The following CBLN2 variants were observed in gnomAD, a reference collection of about 807,000 sequenced individuals.
CBLN2 encodes cerebellin 2 precursor, also known as cerebellin-2.
Under a neutral mutation model 15.0 loss-of-function variants are expected in CBLN2, and 7 were observed. That is an observed-to-expected ratio of 0.47 (90% CI 0.27 to 0.88). The LOEUF (loss-of-function observed/expected upper bound fraction) is 0.88, where lower values mean the gene tolerates loss of function less well. Among genes scored for constraint, CBLN2 ranks in the 40% least tolerant of loss-of-function variants. CBLN2 has a pLI of 0.14. For synonymous variants in CBLN2, 149 were observed against 135.2 expected (o/e 1.10, Z -0.71); for missense variants, 242 against 304.5 (o/e 0.79, Z 1.53).
intron 3 of CBLN2, among the ~76,000 whole-genome samples, chr18:72,540,450 T>C (rs965783321): frequency 6.6e-6 from 1 of 152,160 alleles, no homozygotes; most frequent in Non-Finnish European, 1.5e-5. Flanking sequence ...AGAGCTTTCT[T>C]GTTACACAAA....
chr18:72,626,409 C>T (rs548377593), intron 1 of CBLN2, among the ~76,000 whole-genome samples: 4 of 152,128 alleles, frequency 2.6e-5, no homozygotes, highest in Non-Finnish European at 5.9e-5. Flanking sequence ...CATACACTCA[C>T]CTGAAAAATA....
chr18:72,621,654 G>T (rs982416939), intron 1 of CBLN2, among the ~76,000 whole-genome samples: 1 of 152,070 alleles, frequency 6.6e-6, no homozygotes, highest in South Asian at 2.1e-4. Flanking sequence ...TTAAGTCTTT[G>T]GTCATTTCCA....
intron 1 of CBLN2, among the ~76,000 whole-genome samples, chr18:72,598,924 G>T (rs955709381): frequency 6.6e-6 from 1 of 152,276 alleles, no homozygotes; most frequent in Non-Finnish European, 1.5e-5. Flanking sequence ...TCACTTTCGG[G>T]GAATGAGAGA....
intron 1 of CBLN2, among the ~76,000 whole-genome samples, chr18:72,634,065 T>A (rs2069795859): frequency 6.6e-6 from 1 of 152,042 alleles, no homozygotes; most frequent in African/African-American, 2.4e-5. Flanking sequence ...AAAATAAAAA[T>A]TCATTTTTAA....
chr18:72,575,548 G>T (rs1446453679), intron 1 of CBLN2, among the ~76,000 whole-genome samples: 2 of 152,060 alleles, frequency 1.3e-5, no homozygotes, highest in African/African-American at 4.8e-5. Context: ...GAGAAGGGAG[G>T]TCCATTTCTC....
At chr18:72,630,496 A>ACG (rs1599031180) in intron 1 of CBLN2, among the ~76,000 whole-genome samples, 1 of 4,226 alleles carries the variant, frequency 2.4e-4, no homozygotes, top group South Asian at 0.062. Context: ...TACTGCTCCA[A>ACG]CACACACACA....
chr18:72,564,889 C>G (rs1360234939), intron 1 of CBLN2, among the ~76,000 whole-genome samples: 1 of 152,156 alleles, frequency 6.6e-6, no homozygotes, highest in Non-Finnish European at 1.5e-5. Flanking sequence ...AGAGAGAGAA[C>G]TCTAAAAGCA....
chr18:72,628,557 G>T (rs2069755440), intron 1 of CBLN2, among the ~76,000 whole-genome samples: 1 of 152,154 alleles, frequency 6.6e-6, no homozygotes, highest in Non-Finnish European at 1.5e-5. Context: ...ACAGTAATCA[G>T]GTAATGGATT....
chr18:72,618,668 A>C, intron 1 of CBLN2: 1 of 794,204 alleles, frequency 1.3e-6, no homozygotes, highest in South Asian at 1.3e-5. Flanking sequence ...GAAGTGATTG[A>C]ACTCATGACC....
chr18:72,615,260 T>G (rs1490622709), intron 1 of CBLN2, among the ~76,000 whole-genome samples: 1 of 120,494 alleles, frequency 8.3e-6, no homozygotes, highest in East Asian at 2.2e-4. Context: ...TATTTATATA[T>G]GTATATATTA....
At chr18:72,554,910 C>T (rs762929575) in intron 1 of CBLN2, among the ~76,000 whole-genome samples, 4 of 152,030 alleles carry the variant, frequency 2.6e-5, no homozygotes, top group East Asian at 1.9e-4. Flanking sequence ...CCTAGATGGG[C>T]GGAACACTTG....
At chr18:72,538,561 C>T (rs2069085917) in intron 4 of CBLN2, 92 bp downstream of exon 4, 1 of 1,548,956 alleles carries the variant, frequency 6.5e-7, no homozygotes, top group Non-Finnish European at 8.8e-7. Flanking sequence ...AGTACCCTGT[C>T]TCCCTCAGCC....
intron 1 of CBLN2, among the ~76,000 whole-genome samples, chr18:72,559,919 C>A (rs1234596829): frequency 6.6e-6 from 1 of 152,206 alleles, no homozygotes; most frequent in East Asian, 1.9e-4. Flanking sequence ...GCAATCACCT[C>A]GGTGACACTT....
intron 1 of CBLN2, among the ~76,000 whole-genome samples, chr18:72,564,783 A>C (rs1478721456): frequency 6.6e-6 from 1 of 152,214 alleles, no homozygotes; most frequent in Non-Finnish European, 1.5e-5. Flanking sequence ...AGATGTGAAC[A>C]TCCAGATCCA....
intron 1 of CBLN2, among the ~76,000 whole-genome samples, chr18:72,622,792 G>A (rs1182865241): frequency 4.6e-5 from 7 of 152,108 alleles, no homozygotes; most frequent in African/African-American, 9.7e-5. Flanking sequence ...GGAAAACCGT[G>A]TATCACATGC....
At chr18:72,545,995 A>G (rs2069155289), upstream of CBLN2, among the ~76,000 whole-genome samples, 1 of 152,270 alleles carries the variant, frequency 6.6e-6, no homozygotes, top group African/African-American at 2.4e-5. Flanking sequence ...GGACTAAGTT[A>G]TTGAAAAAAG....
rs1298203930 is a variant in CBLN2, at chr18:72,544,308, C to T, written c.-543G>A. On this transcript the variant is annotated 5_prime_UTR_variant, in exon 1 of 5. Coordinates refer to ENST00000269503, the MANE Select transcript of CBLN2 (RefSeq NM_182511.4). ...AGGGCTAGAAGAGGGGCCTCCGGCC[C>T]GGGTCTGTGTGTCTGCTCCTCTGGA... The T allele has an allele frequency of 6.6e-6, 1 of 152,250 alleles. No homozygotes were observed. Among genetic ancestry groups the T allele is most frequent in the Admixed American group, 6.5e-5 (1 of 15,286 alleles). 9.4% of individuals were successfully genotyped at this position (152,250 alleles called of 1,614,324 possible).
chr18:72,610,995 C>T lies in CBLN2; in HGVS notation c.15+27330G>A, dbSNP rs182956826. ...CTTATAAGTGAGAACATGTGGTATC[C>T]GATTTTCTGTTTCTGTGTTAATTTG... On this transcript the variant is annotated intron_variant, in intron 1 of 2. Transcript: ENST00000581073. Among the ~76,000 whole-genome samples the T allele has an allele frequency of 2.2e-3, 330 of 152,172 alleles. 3 individuals carry two copies. Among genetic ancestry groups the T allele is most frequent in the African/African-American group, 7.6e-3 (314 of 41,514 alleles).
chr18:72,574,316 C>T (rs1483351415), intron 1 of CBLN2, among the ~76,000 whole-genome samples: 4 of 151,928 alleles, frequency 2.6e-5, no homozygotes, highest in Non-Finnish European at 5.9e-5. Flanking sequence ...CATTTGGTGT[C>T]GTATCTAAAG....
Sources: gnomAD v4.1 joint callset for allele counts (sites outside exome capture counted in the v4.1 genomes callset) on GRCh38, gnomAD v4.1.1 for gene constraint, MANE v1.5 for transcripts, NCBI Gene and HGNC (gene_info 2026-07-23, HGNC 2026-07-21) for gene names.